Variants in ADGRL1 observed in about 807,000 individuals in gnomAD.
The protein encoded by ADGRL1 is CIRL-1.
In ADGRL1, 31 loss-of-function variants were observed where a neutral mutation model predicts 148.9. The ratio of observed to expected loss-of-function variants is 0.21; its 90% CI spans 0.16 to 0.28. The LOEUF is 0.28. Among genes scored for constraint, ADGRL1 ranks in the 10% least tolerant of loss-of-function variants. The pLI is 1.00. For missense variants in ADGRL1, 1,521 were observed against 2,058.8 expected (o/e 0.74, Z 5.05); for synonymous variants, 937 against 900.3 (o/e 1.04, Z -0.73).
intron 4 of ADGRL1, among the ~76,000 whole-genome samples, chr19:14,165,945 G>C (rs1374859093): frequency 6.6e-6 from 1 of 152,128 alleles, no homozygotes; most frequent in South Asian, 2.1e-4. Context: ...ACTTTCTGGA[G>C]AGGAAATGGT....
rs1295651635 is a variant in ADGRL1, at chr19:14,150,706, C to T, written c.*167G>A. On this transcript the variant is annotated 3_prime_UTR_variant, in exon 23 of 23. Transcript: ENST00000361434. ...TGTCTGTGAACCCTGGCACCTCAGG[C>T]CCCCAGGTTAGAGTCCCCTGAGGGG... 5.4e-6 allele frequency: 4 copies of T among 739,336 alleles called. No individual in the cohort carries two copies. The highest frequency in any genetic ancestry group is 4.0e-4 in the Middle Eastern group (1 of 2,512). 45.8% of individuals were successfully genotyped at this position (739,336 alleles called of 1,614,324 possible). A position where few individuals can be genotyped will look rare whatever the true frequency, so the allele number is the denominator to read the frequency against.
rs1968079945 is a variant in ADGRL1, at chr19:14,150,779, G to A, written c.*94C>T. On this transcript the variant is annotated 3_prime_UTR_variant, in exon 23 of 23. Transcript: ENST00000361434. ...GGCACCTGGAGAGAGTGGCCCACCA[G>A]CCACTGCCTCCATCTGTCTCCCTCT... The A allele has an allele frequency of 1.4e-6, 2 of 1,457,524 alleles. No homozygotes were observed. The highest frequency in any genetic ancestry group is 1.9e-6 in the Non-Finnish European group (2 of 1,079,570). 90.3% of individuals were successfully genotyped at this position (1,457,524 alleles called of 1,614,324 possible).
In ADGRL1 at chr19:14,155,539, G is replaced by T. The variant is rs749279987; in HGVS notation, c.3126-12C>A. 2.2e-5 allele frequency: 36 copies of T among 1,612,762 alleles called. No individual in the cohort carries two copies. Among genetic ancestry groups the T allele is most frequent in the Non-Finnish European group, 3.0e-5 (35 of 1,179,714 alleles). On this transcript the variant is annotated splice_polypyrimidine_tract_variant and intron_variant, in intron 17 of 22. Transcript: ENST00000361434. This position sits in a 1 kb window ranked among gnomAD's most constrained non-coding sequence, Gnocchi z 5.0. The stretch of plus-strand genomic sequence containing the variant: ...CCAGCGCCCAGGATCTGGGAGTGGG[G>T]CGACAGGGGAGTCAAAGTACCCGCC...
intron 1 of ADGRL1, among the ~76,000 whole-genome samples, chr19:14,189,003 C>G (rs10416162): frequency 0.16 from 25,066 of 152,022 alleles, 2,403 homozygotes; most frequent in East Asian, 0.34. Flanking sequence ...CCACCCGCCT[C>G]GGCCTCCCAA....
intron 3 of ADGRL1, among the ~76,000 whole-genome samples, chr19:14,172,757 C>T (rs1970565836): frequency 6.6e-6 from 1 of 152,094 alleles, no homozygotes; most frequent in Non-Finnish European, 1.5e-5. Context: ...TTGTGAGTAG[C>T]CTGATGAAAT....
At position 14,157,455 on chromosome 19, in the gene ADGRL1, C is replaced by T. The variant is rs772468384; in HGVS notation, c.2541G>A (p.Gln847=). ...ACAGCAGCAGCTCGTTGATGCGGCCCTGGTACTGGGGACAGGAACAGGGGG... is the reference window on the plus strand; with the variant it reads ...ACAGCAGCAGCTCGTTGATGCGGCCTTGGTACTGGGGACAGGAACAGGGGG... The part of the protein sequence containing the change: ...AVLMAHREIY[Q]GRINELLLSV... The change falls in exon 14 of 23, where the codon CAG becomes CAA. Residue 847 remains glutamine, a synonymous_variant. Transcript: ENST00000361434. This position sits in a 1 kb window ranked among gnomAD's most constrained non-coding sequence, Gnocchi z 7.5. 9 of 1,613,986 alleles carry T rather than the reference C, an allele frequency of 5.6e-6. No homozygotes were observed. Among genetic ancestry groups the T allele is most frequent in the South Asian group, 1.1e-5 (1 of 91,082 alleles).
At position 14,159,326 on chromosome 19, in the gene ADGRL1, C is replaced by T; in HGVS notation, c.2023+75G>A. ...AGATGCCCAAGGGTCGGATAGCCCC[C>T]CTGTGGCCTCCAGGCCAGAACCCCG... On this transcript the variant is annotated intron_variant, in intron 10 of 22. Coordinates refer to ENST00000361434, the MANE Select transcript of ADGRL1 (RefSeq NM_014921.5). This position sits in a 1 kb window ranked among gnomAD's most constrained non-coding sequence, Gnocchi z 6.0. The T allele has an allele frequency of 1.9e-6, 3 of 1,571,830 alleles. No homozygotes were observed. The highest frequency in any genetic ancestry group is 1.2e-5 in the South Asian group (1 of 84,540).
At position 14,155,639 on chromosome 19, in the gene ADGRL1, G is replaced by A; in HGVS notation, c.3126-112C>T. On this transcript the variant is annotated intron_variant, in intron 17 of 22. Transcript: ENST00000361434. This position sits in a 1 kb window ranked among gnomAD's most constrained non-coding sequence, Gnocchi z 5.0. ...CCTTGGGTGGGCCTGGGCACTGTCTGCAAAGCCCTGAGCGGGCCGAGTGGG... is the reference window on the plus strand; with the variant it reads ...CCTTGGGTGGGCCTGGGCACTGTCTACAAAGCCCTGAGCGGGCCGAGTGGG... 8.8e-7 allele frequency: 1 copy of A among 1,129,984 alleles called. No individual in the cohort carries two copies. The allele number at this position is 1,129,984 out of a possible 1,614,324, so 70.0% of individuals were successfully genotyped here. A position where few individuals can be genotyped will look rare whatever the true frequency, so the allele number is the denominator to read the frequency against.
rs1264835095 is a variant in ADGRL1, at chr19:14,206,111, G to A, written c.-222C>T. ...AAGCGGGTAGGAGGTGGCGGGACGA[G>A]GGCGGCCTCCGTGTCCCTTCCTTCC... On this transcript the variant is annotated 5_prime_UTR_variant, in exon 1 of 23. Coordinates refer to ENST00000361434, the MANE Select transcript of ADGRL1 (RefSeq NM_014921.5). 1 of 151,460 alleles carries A rather than the reference G, an allele frequency of 6.6e-6. No individual in the cohort carries two copies. The highest frequency in any genetic ancestry group is 1.5e-5 in the Non-Finnish European group (1 of 67,758). The allele number at this position is 151,460 out of a possible 1,614,324, so 9.4% of individuals were successfully genotyped here.
At position 14,150,840 on chromosome 19, in the gene ADGRL1, C is replaced by G. The variant is rs774368682; in HGVS notation, c.*33G>C. The G allele has an allele frequency of 1.9e-6, 3 of 1,600,706 alleles. No homozygotes were observed. The East Asian group carries it at 6.7e-5, about 36-fold the overall frequency. On this transcript the variant is annotated 3_prime_UTR_variant, in exon 23 of 23. Transcript: ENST00000361434. ...CCCTGCCCAGGGTTCCCTCCCTGGCCTGGGCCACCAGCCCCTGGTCCATGA... is the reference window on the plus strand; with the variant it reads ...CCCTGCCCAGGGTTCCCTCCCTGGCGTGGGCCACCAGCCCCTGGTCCATGA...
At chr19:14,164,029 AGT>A (rs1969707081) in intron 4 of ADGRL1, among the ~76,000 whole-genome samples, 1 of 151,480 alleles carries the variant, frequency 6.6e-6, no homozygotes, top group Admixed American at 6.6e-5. Context: ...GGGTGTCAGG[AGT>A]GTCTCCCTAT....
intron 4 of ADGRL1, among the ~76,000 whole-genome samples, chr19:14,168,136 C>G (rs1325735022): frequency 6.6e-6 from 1 of 152,092 alleles, no homozygotes; most frequent in Non-Finnish European, 1.5e-5. Context: ...GCCGCTCCCC[C>G]TCTGCATCCC....
At chr19:14,167,917 C>A (rs1387436121) in intron 4 of ADGRL1, among the ~76,000 whole-genome samples, 1 of 152,130 alleles carries the variant, frequency 6.6e-6, no homozygotes, top group Non-Finnish European at 1.5e-5. Context: ...GCCCTGCCCG[C>A]TGCCCTGCGG....
Position 14,156,135 on chromosome 19 carries a change from C to T in ADGRL1, c.3100G>A (p.Asp1034Asn), listed in dbSNP as rs373508276. 1.2e-6 allele frequency: 2 copies of T among 1,612,176 alleles called. No homozygotes were observed. The highest frequency in any genetic ancestry group is 1.7e-5 in the Admixed American group (1 of 59,928). ...MIRSSSVLKP[D>N]SSRLDNIKSW... ...TTAATGTTGTCCAGGCGGCTGGAGT[C>T]GGGCTTGAGCACAGATGAGCTTCGG... Residue 1034 changes from aspartate (D) to asparagine (N), a missense_variant, in exon 17 of 23, where the codon GAC becomes AAC. Physicochemically the swap from Asp to Asn is conservative, Grantham distance 23. Coordinates refer to ENST00000361434, the MANE Select transcript of ADGRL1 (RefSeq NM_014921.5).
chr19:14,174,202 G>A (rs768369904), intron 3 of ADGRL1, among the ~76,000 whole-genome samples: 1 of 152,152 alleles, frequency 6.6e-6, no homozygotes, highest in Non-Finnish European at 1.5e-5. Flanking sequence ...AGCTGGTGTT[G>A]AATGAAGTCA....
chr19:14,175,475 C>A (rs1159908165), intron 3 of ADGRL1, among the ~76,000 whole-genome samples: 1 of 151,418 alleles, frequency 6.6e-6, no homozygotes, highest in Admixed American at 6.6e-5. Flanking sequence ...CACACATGCT[C>A]ACACCCACAC....
rs775459514 is a variant in ADGRL1, at chr19:14,160,583, T to C, written c.1614+10A>G. The C allele has an allele frequency of 1.3e-6, 2 of 1,588,134 alleles. No individual in the cohort carries two copies. The highest frequency in any genetic ancestry group is 1.8e-5 in the Admixed American group (1 of 56,658). ...ACATGTGCCTGCCTGCGAGGGGTGG[T>C]GGCTGGTACCTTCTGGGCCACCTGG... On this transcript the variant is annotated intron_variant, in intron 7 of 22. Transcript: ENST00000361434. The surrounding 1 kb of genome is among the most constrained non-coding windows in gnomAD (Gnocchi z 5.9).
At position 14,155,512 on chromosome 19, in the gene ADGRL1, C is replaced by A. The variant is rs750981471; in HGVS notation, c.3141G>T (p.Gly1047=). The stretch of plus-strand genomic sequence containing the variant: ...CCAGCAGGAACAGCAGCGCGATGGC[C>A]CCCAGCGCCCAGGATCTGGGAGTGG... The part of the protein sequence containing the change: ...RLDNIKSWAL[G]AIALLFLLGL... Residue 1047 remains glycine, a synonymous_variant, in exon 18 of 23, where the codon GGG becomes GGT. Transcript: ENST00000361434. The surrounding 1 kb of genome is among the most constrained non-coding windows in gnomAD (Gnocchi z 5.0). 1.2e-6 allele frequency: 2 copies of A among 1,613,598 alleles called. No homozygotes were observed. Among genetic ancestry groups the A allele is most frequent in the Non-Finnish European group, 1.7e-6 (2 of 1,179,860 alleles).
Position 14,151,620 on chromosome 19 carries a change from A to C in ADGRL1, c.3668-5T>G. The C allele has an allele frequency of 6.3e-7, 1 of 1,585,444 alleles. No individual in the cohort carries two copies. The highest frequency in any genetic ancestry group is 1.3e-5 in the African/African-American group (1 of 74,474). ...CCCGGCCTCCCAAGGGGTGCTCTGC[A>C]GGGCAGAAAGGGGCTGGTCAGGTTG... On this transcript the variant is annotated splice_polypyrimidine_tract_variant and splice_region_variant and intron_variant, in intron 22 of 22. Coordinates refer to ENST00000361434, the MANE Select transcript of ADGRL1 (RefSeq NM_014921.5).
Sources: allele counts gnomAD v4.1 joint callset (sites outside exome capture counted in the v4.1 genomes callset), GRCh38; gene constraint gnomAD v4.1.1; non-coding constraint Gnocchi (gnomAD v3.1); transcripts MANE v1.5; gene names NCBI Gene and HGNC (gene_info 2026-07-23, HGNC 2026-07-21).